The following THUMPD2 variants were observed in gnomAD, a reference collection of about 807,000 sequenced individuals.
The protein encoded by THUMPD2 is THUMP domain 2 tRNA and snRNA guanosine methyltransferase, also known as U6 snRNA (guanine-N(2))-methyltransferase THUMPD2.
Under a neutral mutation model 49.4 loss-of-function variants are expected in THUMPD2, and 56 were observed. The ratio of observed to expected loss-of-function variants is 1.13; its 90% CI spans 0.91 to 1.41. THUMPD2 has a LOEUF of 1.41. THUMPD2 is among the 40% of genes most tolerant of loss of function. The probability of loss-of-function intolerance (pLI) is 0.00; values close to 1 mark genes in which losing one functional copy is unlikely to be tolerated. For synonymous variants in THUMPD2, 237 were observed against 205.2 expected (o/e 1.15, Z -1.32); for missense variants, 709 against 594.5 (o/e 1.19, Z -2.00).
In THUMPD2 at chr2:39,736,729, A is replaced by G. The variant is rs1425612905; in HGVS notation, c.*6T>C. The G allele has an allele frequency of 1.2e-6, 2 of 1,608,220 alleles. No homozygotes were observed. The highest frequency in any genetic ancestry group is 1.7e-6 in the Non-Finnish European group (2 of 1,175,874). ...GGCCTGAACCCGGCTGATGGCAGCAAGCCTGCTACAGTCCAGAAGAGTGCG... is the reference window on the plus strand; with the variant it reads ...GGCCTGAACCCGGCTGATGGCAGCAGGCCTGCTACAGTCCAGAAGAGTGCG... On this transcript the variant is annotated 3_prime_UTR_variant, in exon 10 of 10. Coordinates refer to ENST00000505747, the MANE Select transcript of THUMPD2 (RefSeq NM_025264.5).
chr2:39,778,998 G>A, intron 1 of THUMPD2, 116 bp downstream of exon 1: 2 of 1,281,062 alleles, frequency 1.6e-6, no homozygotes, highest in Non-Finnish European at 2.0e-6. Flanking sequence ...GTCGGCGACC[G>A]TCGCGTGGAA....
At chr2:39,753,458 T>A (rs1041728284) in intron 8 of THUMPD2, among the ~76,000 whole-genome samples, 1 of 152,180 alleles carries the variant, frequency 6.6e-6, no homozygotes, top group African/African-American at 2.4e-5. Flanking sequence ...CTTACACTCA[T>A]TCCCTAGGAG....
intron 4 of THUMPD2, among the ~76,000 whole-genome samples, chr2:39,766,806 A>T (rs1677578766): frequency 6.6e-6 from 1 of 152,190 alleles, no homozygotes; most frequent in African/African-American, 2.4e-5. Context: ...CTTAATCAGA[A>T]TTATTCCAAT....
intron 8 of THUMPD2, among the ~76,000 whole-genome samples, chr2:39,744,870 C>A (rs763000996): frequency 6.6e-6 from 1 of 152,030 alleles, no homozygotes; most frequent in Non-Finnish European, 1.5e-5. Flanking sequence ...ACGTTTAGAT[C>A]TACTTGTTTT....
intron 4 of THUMPD2, 112 bp downstream of exon 4, chr2:39,768,312 A>G: frequency 1.1e-6 from 1 of 875,532 alleles, no homozygotes. Context: ...GGATCCCTGT[A>G]GATACACTTT....
rs118043682 is a variant in THUMPD2, at chr2:39,762,325, T to C, written c.804-907A>G. On this transcript the variant is annotated intron_variant, in intron 5 of 9. Coordinates refer to ENST00000505747, the MANE Select transcript of THUMPD2 (RefSeq NM_025264.5). Reference sequence around the variant, plus strand: ...CCCTCCTTAAGGTTGTTCAACAGAATTCTAGGTATGTGAATATTAAACATT... The same window carrying C: ...CCCTCCTTAAGGTTGTTCAACAGAACTCTAGGTATGTGAATATTAAACATT... 2.0e-4 allele frequency among the ~76,000 whole-genome samples: 31 copies of C among 152,300 alleles called. No homozygotes were observed. The East Asian group carries it at 2.9e-3, about 14-fold the overall frequency.
At chr2:39,773,909 C>G (rs1678719739) in intron 1 of THUMPD2, among the ~76,000 whole-genome samples, 1 of 152,158 alleles carries the variant, frequency 6.6e-6, no homozygotes, top group African/African-American at 2.4e-5. Context: ...ACAGCAGGTC[C>G]TTGAATAACA....
chr2:39,768,742 T>G, intron 3 of THUMPD2: 14 of 717,844 alleles, frequency 2.0e-5, no homozygotes, highest in East Asian at 9.2e-5. Flanking sequence ...GCATAATCTC[T>G]ATCCTTGTAA....
chr2:39,753,294 C>T (rs1558505505), intron 8 of THUMPD2, among the ~76,000 whole-genome samples: 2 of 152,162 alleles, frequency 1.3e-5, no homozygotes, highest in Non-Finnish European at 2.9e-5. Flanking sequence ...CCTCATTGTA[C>T]TCCACCAATG....
intron 5 of THUMPD2, among the ~76,000 whole-genome samples, chr2:39,765,592 T>C (rs934437757): frequency 6.6e-6 from 1 of 152,154 alleles, no homozygotes; most frequent in African/African-American, 2.4e-5. Flanking sequence ...CCTACTTTTG[T>C]CTTGGTGATC....
At chr2:39,770,429 A>T (rs1678162119) in intron 2 of THUMPD2, among the ~76,000 whole-genome samples, 1 of 152,106 alleles carries the variant, frequency 6.6e-6, no homozygotes, top group Non-Finnish European at 1.5e-5. Flanking sequence ...ATATACATAG[A>T]CCTAGAGTGT....
chr2:39,748,556 C>T (rs1375372624), intron 8 of THUMPD2, among the ~76,000 whole-genome samples: 2 of 152,010 alleles, frequency 1.3e-5, no homozygotes, highest in East Asian at 3.9e-4. Context: ...GGCGTGGTAG[C>T]ATGCGCCTGT....
chr2:39,769,483 C>G (rs1448436601), intron 3 of THUMPD2: 2 of 401,838 alleles, frequency 5.0e-6, no homozygotes, highest in African/African-American at 2.1e-5. Context: ...GGTTGGATCA[C>G]TTGAGGTCAG....
chr2:39,749,259 A>G (rs1332158918), intron 8 of THUMPD2, among the ~76,000 whole-genome samples: 1 of 152,186 alleles, frequency 6.6e-6, no homozygotes, highest in Non-Finnish European at 1.5e-5. Flanking sequence ...ACCCTATGAA[A>G]TTTCGAAGAG....
At chr2:39,751,314 A>C (rs1304398502) in intron 8 of THUMPD2, among the ~76,000 whole-genome samples, 1 of 152,240 alleles carries the variant, frequency 6.6e-6, no homozygotes, top group African/African-American at 2.4e-5. Context: ...AAAGCATGCC[A>C]TCTTACTACA....
intron 8 of THUMPD2, among the ~76,000 whole-genome samples, chr2:39,755,050 T>C (rs1320979482): frequency 6.6e-6 from 1 of 152,232 alleles, no homozygotes; most frequent in Non-Finnish European, 1.5e-5. Context: ...TTTTCTTTTT[T>C]TAACAAACAC....
rs118101144 is a variant in THUMPD2 at position 39,755,424 on chromosome 2, A to T, written c.964-15T>A. The T allele has an allele frequency of 6.1e-4, 894 of 1,469,968 alleles. 7 individuals are homozygous for T. In the East Asian group the frequency reaches 0.021, roughly 35 times the overall value. The allele number at this position is 1,469,968 out of a possible 1,614,324, so 91.1% of individuals were successfully genotyped here. On this transcript the variant is annotated splice_polypyrimidine_tract_variant and intron_variant, in intron 7 of 9. Transcript: ENST00000505747. ...TAATACACATCCTATGGGGAAATAA[A>T]TATTTTAAGCATAAATAAAATTATT...
intron 6 of THUMPD2, among the ~76,000 whole-genome samples, chr2:39,758,641 T>C (rs1051043955): frequency 6.6e-6 from 1 of 152,182 alleles, no homozygotes; most frequent in African/African-American, 2.4e-5. Context: ...AGATTCTCTT[T>C]ACACTGCTGA....
intron 1 of THUMPD2, among the ~76,000 whole-genome samples, chr2:39,775,833 T>C (rs956553363): frequency 6.6e-6 from 1 of 151,286 alleles, no homozygotes; most frequent in Non-Finnish European, 1.5e-5. Context: ...AAGGCAACCT[T>C]ATGCAATTAT....
Sources: allele counts gnomAD v4.1 joint callset (sites outside exome capture counted in the v4.1 genomes callset), GRCh38; gene constraint gnomAD v4.1.1; transcripts MANE v1.5; gene names NCBI Gene and HGNC (gene_info 2026-07-23, HGNC 2026-07-21).